Variants in KIF6 observed in about 807,000 individuals in gnomAD.
KIF6 encodes kinesin family member 6.
In KIF6, 106 loss-of-function variants were observed where a neutral mutation model predicts 112.7. That is an observed-to-expected ratio of 0.94 (90% confidence interval 0.80 to 1.11). The LOEUF is 1.11. Among genes scored for constraint, KIF6 ranks in the 50% least tolerant of loss-of-function variants. The pLI, the probability that KIF6 is intolerant of heterozygous loss-of-function variation, is 0.00. For synonymous variants in KIF6, 339 were observed against 339.9 expected, an observed-to-expected ratio of 1.00 and a Z score of 0.03; for missense variants, 929 against 964.0, an observed-to-expected ratio of 0.96 and a Z score of 0.48.
intron 3 of KIF6, among the ~76,000 whole-genome samples, chr6:39,681,920 G>A (rs951438135): frequency 6.6e-6 from 1 of 152,032 alleles, no homozygotes; most frequent in Non-Finnish European, 1.5e-5. Flanking sequence ...AACTACAGGG[G>A]TATGTAGAGT....
At chr6:39,641,832 C>T (rs1369054365) in intron 3 of KIF6, among the ~76,000 whole-genome samples, 1 of 152,054 alleles carries the variant, frequency 6.6e-6, no homozygotes, top group Non-Finnish European at 1.5e-5. Context: ...TGCCAGTTGT[C>T]CTAGTATGTC....
At chr6:39,519,194 A>G (rs1046422423) in intron 13 of KIF6, among the ~76,000 whole-genome samples, 2 of 152,164 alleles carry the variant, frequency 1.3e-5, no homozygotes, top group South Asian at 2.1e-4. Flanking sequence ...GCTTGAGGAA[A>G]CTAAGTGCAG....
chr6:39,392,436 A>G (rs1440960725), intron 15 of KIF6, among the ~76,000 whole-genome samples: 1 of 152,226 alleles, frequency 6.6e-6, no homozygotes, highest in Non-Finnish European at 1.5e-5. Flanking sequence ...GCTGCCCTCC[A>G]TAATGATTGT....
chr6:39,429,654 A>G (rs1423861128), intron 14 of KIF6, among the ~76,000 whole-genome samples: 2 of 152,214 alleles, frequency 1.3e-5, no homozygotes, highest in Non-Finnish European at 2.9e-5. Flanking sequence ...TCATGCCTGT[A>G]ATCCCAGCAC....
intron 10 of KIF6, among the ~76,000 whole-genome samples, chr6:39,557,072 C>T (rs2150588817): frequency 6.6e-6 from 1 of 151,692 alleles, no homozygotes; most frequent in South Asian, 2.1e-4. Context: ...TATATATGTG[C>T]ACATATATAT....
chr6:39,545,522 G>GT (rs554815089), intron 11 of KIF6, 61 bp downstream of exon 11: 5 of 1,305,838 alleles, frequency 3.8e-6, no homozygotes, highest in Non-Finnish European at 5.5e-6. Context: ...AACTAGAAAA[G>GT]TTTTTTTGCA....
At chr6:39,358,637 G>T (rs997264178) in intron 18 of KIF6, among the ~76,000 whole-genome samples, 1 of 152,224 alleles carries the variant, frequency 6.6e-6, no homozygotes, top group Non-Finnish European at 1.5e-5. Context: ...CTCATTCACT[G>T]ATGAACTTGC....
chr6:39,408,834 T>C (rs571569642), intron 15 of KIF6, among the ~76,000 whole-genome samples: 5 of 152,264 alleles, frequency 3.3e-5, no homozygotes, highest in African/African-American at 9.6e-5. Context: ...GAATCACTTA[T>C]GCAGTTAAAA....
chr6:39,639,849 A>G, intron 3 of KIF6, 92 bp from the exon 4 acceptor site: 4 of 1,103,870 alleles, frequency 3.6e-6, no homozygotes, highest in Non-Finnish European at 5.1e-6. Context: ...CTTATTAAAC[A>G]CTATTAAAAA....
rs1202449211 is a variant in KIF6 at position 39,470,119 on chromosome 6, A to T, written c.1646-38958T>A. Among the ~76,000 whole-genome samples, 9 of 152,282 alleles carry T rather than the reference A, an allele frequency of 5.9e-5. No homozygotes were observed. The East Asian group carries it at 1.5e-3, about 26-fold the overall frequency. ...TACAAAGTATGTTCTTCCATCACAGAATGGTGGGAGGGAGGGCCAAAGTGG... is the reference window on the plus strand; with the variant it reads ...TACAAAGTATGTTCTTCCATCACAGTATGGTGGGAGGGAGGGCCAAAGTGG... On this transcript the variant is annotated intron_variant, in intron 13 of 22. Transcript: ENST00000287152.
Position 39,364,408 on chromosome 6 carries a change from C to T in KIF6, c.1862-1890G>A, listed in dbSNP as rs572529971. 7.9e-5 allele frequency among the ~76,000 whole-genome samples: 12 copies of T among 152,186 alleles called. No homozygotes were observed. The South Asian group carries it at 1.5e-3, about 18-fold the overall frequency. The stretch of plus-strand genomic sequence containing the variant: ...TGTTGGGATTACAGGTGTGAGCCAC[C>T]GCGCCCAGCCCCCTTTTTTTTCTTA... On this transcript the variant is annotated intron_variant, in intron 16 of 22. Coordinates refer to ENST00000287152, the MANE Select transcript of KIF6 (RefSeq NM_145027.6).
intron 15 of KIF6, among the ~76,000 whole-genome samples, chr6:39,392,077 TA>T (rs1234077866): frequency 1.3e-5 from 2 of 152,238 alleles, no homozygotes; most frequent in Non-Finnish European, 2.9e-5. Flanking sequence ...TATGTGCTTT[TA>T]TTGTAGGTGT....
intron 5 of KIF6, among the ~76,000 whole-genome samples, chr6:39,627,058 T>TCCTGG (rs1784129688): frequency 6.6e-6 from 1 of 152,182 alleles, no homozygotes; most frequent in African/African-American, 2.4e-5. Context: ...CTCCAAGGGC[T>TCCTGG]ACACCTTGCC....
At chr6:39,536,035 A>G (rs1455685022) in intron 13 of KIF6, among the ~76,000 whole-genome samples, 1 of 151,796 alleles carries the variant, frequency 6.6e-6, no homozygotes, top group Non-Finnish European at 1.5e-5. Context: ...GACACAACAT[A>G]CCAGAATCTC....
rs1363093690 is a variant in KIF6 at position 39,330,832 on chromosome 6, AAC to A, written c.*5698_*5699del. On this transcript the variant is annotated 3_prime_UTR_variant, in exon 23 of 23. Coordinates refer to ENST00000287152, the MANE Select transcript of KIF6 (RefSeq NM_145027.6). ...GTGAGGAGGAGCTTGTATTCAAGGA[AAC>A]ACTGCTTTTTCCTCCCACATTTGAC... 35 of 152,200 alleles carry A rather than the reference AAC, an allele frequency of 2.3e-4. No individual in the cohort carries two copies. Among genetic ancestry groups the A allele is most frequent in the African/African-American group, 8.4e-4 (35 of 41,428 alleles). 9.4% of individuals were successfully genotyped at this position (152,200 alleles called of 1,614,324 possible). A position where few individuals can be genotyped will look rare whatever the true frequency, so the allele number is the denominator to read the frequency against.
chr6:39,613,101 T>G, intron 6 of KIF6, 88 bp downstream of exon 6: 1 of 1,090,896 alleles, frequency 9.2e-7, no homozygotes, highest in Non-Finnish European at 1.2e-6. Flanking sequence ...GCCCTAAACT[T>G]CTATTATATC....
intron 4 of KIF6, 138 bp from the exon 5 acceptor site, chr6:39,635,096 C>A: frequency 1.7e-6 from 1 of 581,168 alleles, no homozygotes. Flanking sequence ...ATTTTCAGTT[C>A]ATGACACTTT....
chr6:39,582,593 T>G (rs555636028), intron 9 of KIF6, among the ~76,000 whole-genome samples: 6 of 152,220 alleles, frequency 3.9e-5, no homozygotes, highest in African/African-American at 1.4e-4. Context: ...TTTTGTATTT[T>G]TAGTAGAGAT....
chr6:39,353,933 G>T, intron 19 of KIF6: 1 of 574,188 alleles, frequency 1.7e-6, no homozygotes, highest in Non-Finnish European at 3.1e-6. Context: ...CCATGGGGGT[G>T]CCACTGCTCT....
Sources: gnomAD v4.1 joint callset for allele counts (sites outside exome capture counted in the v4.1 genomes callset) on GRCh38, gnomAD v4.1.1 for gene constraint, MANE v1.5 for transcripts, NCBI Gene and HGNC (gene_info 2026-07-23, HGNC 2026-07-21) for gene names.